Variants in SOBP observed in about 807,000 individuals in gnomAD.
SOBP encodes the protein sine oculis-binding protein homolog.
Under a neutral mutation model 53.6 loss-of-function variants are expected in SOBP, and 4 were observed. That is an observed-to-expected ratio of 0.07 (90% CI 0.04 to 0.17). The LOEUF is 0.17. SOBP is among the 10% of genes least tolerant of loss of function. The pLI, the probability that SOBP is intolerant of heterozygous loss-of-function variation, is 1.00. For synonymous variants in SOBP, 584 were observed against 522.6 expected (o/e 1.12, Z -1.60); for missense variants, 1,088 against 1,204.7 (o/e 0.90, Z 1.43).
At chr6:107,583,891 G>C (rs1180537256) in intron 4 of SOBP, among the ~76,000 whole-genome samples, 1 of 152,190 alleles carries the variant, frequency 6.6e-6, no homozygotes, top group African/African-American at 2.4e-5. Context: ...TGCTAAATCT[G>C]AAAATTCAAA....
chr6:107,641,948 G>A (rs1021010904), intron 6 of SOBP, among the ~76,000 whole-genome samples: 4 of 152,202 alleles, frequency 2.6e-5, no homozygotes, highest in African/African-American at 7.2e-5. Flanking sequence ...ACCGTGTCCT[G>A]CACAACTTAT....
intron 4 of SOBP, among the ~76,000 whole-genome samples, chr6:107,576,401 T>G (rs759748183): frequency 6.6e-5 from 10 of 152,222 alleles, no homozygotes; most frequent in Non-Finnish European, 1.0e-4. Context: ...AAATCTTATC[T>G]TTAAGACAAA....
At chr6:107,573,377 G>A (rs1785132157) in intron 4 of SOBP, among the ~76,000 whole-genome samples, 1 of 151,666 alleles carries the variant, frequency 6.6e-6, no homozygotes, top group Non-Finnish European at 1.5e-5. Context: ...CTCCAGAAAA[G>A]AAAGCAGATT....
intron 5 of SOBP, among the ~76,000 whole-genome samples, chr6:107,619,168 TG>T (rs1022397452): frequency 5.3e-5 from 8 of 152,174 alleles, no homozygotes; most frequent in African/African-American, 1.9e-4. Context: ...GATGGGGTTC[TG>T]GGGTGTAAAG....
At chr6:107,558,907 A>G (rs1462142996) in intron 4 of SOBP, among the ~76,000 whole-genome samples, 3 of 152,178 alleles carry the variant, frequency 2.0e-5, no homozygotes, top group South Asian at 2.1e-4. Context: ...TTCATAGCGT[A>G]TAATACTACT....
intron 5 of SOBP, among the ~76,000 whole-genome samples, chr6:107,610,586 G>C (rs1369925494): frequency 6.6e-6 from 1 of 152,174 alleles, no homozygotes; most frequent in Non-Finnish European, 1.5e-5. Context: ...CCCAAGAGTG[G>C]GAGCCTGAGG....
At chr6:107,587,347 G>A in intron 5 of SOBP, 172 bp downstream of exon 5, 1 of 639,394 alleles carries the variant, frequency 1.6e-6, no homozygotes, top group Middle Eastern at 4.2e-4. Context: ...ATCTCAAATT[G>A]TTTGCAAATC....
intron 5 of SOBP, among the ~76,000 whole-genome samples, chr6:107,613,857 T>C (rs1447509319): frequency 1.3e-5 from 2 of 152,216 alleles, no homozygotes; most frequent in Non-Finnish European, 2.9e-5. Flanking sequence ...AGGGGACTCC[T>C]GGATATATCA....
chr6:107,537,563 G>C (rs1272084802), intron 4 of SOBP, among the ~76,000 whole-genome samples: 1 of 152,210 alleles, frequency 6.6e-6, no homozygotes, highest in Non-Finnish European at 1.5e-5. Flanking sequence ...GCTCATGCCT[G>C]TAATCCCAGC....
chr6:107,643,479 C>G (rs558975799), intron 6 of SOBP, among the ~76,000 whole-genome samples: 1 of 152,054 alleles, frequency 6.6e-6, no homozygotes, highest in Admixed American at 6.5e-5. Flanking sequence ...TGCAGTGACG[C>G]GATCTCGGCC....
chr6:107,521,080 C>G (rs889487030), intron 3 of SOBP, among the ~76,000 whole-genome samples: 1 of 148,448 alleles, frequency 6.7e-6, no homozygotes, highest in African/African-American at 2.5e-5. Context: ...CTGTGACAAT[C>G]AAAAATGTCT....
intron 2 of SOBP, among the ~76,000 whole-genome samples, 174 bp from the exon 3 acceptor site, chr6:107,506,068 T>C (rs934395706): frequency 2.0e-5 from 3 of 152,234 alleles, no homozygotes; most frequent in African/African-American, 7.2e-5. Context: ...AAATTTATGG[T>C]AACCACACTA....
At chr6:107,499,430 A>G (rs1213821031) in intron 1 of SOBP, among the ~76,000 whole-genome samples, 3 of 152,236 alleles carry the variant, frequency 2.0e-5, no homozygotes, top group East Asian at 1.9e-4. Flanking sequence ...ACTATTAGAC[A>G]TTATTATAAT....
In SOBP at chr6:107,635,105, C is replaced by A. The variant is rs769494875; in HGVS notation, c.2261C>A (p.Pro754His). ...QPPPPPPPAP[P>H]KKLLSPEEPA... is the part of the protein sequence containing the mutation. ...CCGCCGCCGCCGCCGCCCGCGCCCCCCAAGAAGCTGCTGTCGCCTGAGGAA... is the reference window on the plus strand; with the variant it reads ...CCGCCGCCGCCGCCGCCCGCGCCCCACAAGAAGCTGCTGTCGCCTGAGGAA... The change falls in exon 6 of 7, where the codon CCC (proline) becomes CAC (histidine). Residue 754 changes from proline (P) to histidine (H), a missense_variant. This residue lies in a region of SOBP where 665 missense variants were observed against 629.7 expected (regional missense o/e 1.06). Coordinates refer to ENST00000317357, the MANE Select transcript of SOBP (RefSeq NM_018013.4). This position sits in a 1 kb window ranked among gnomAD's most constrained non-coding sequence, Gnocchi z 4.5. The A allele has an allele frequency of 5.6e-6, 9 of 1,608,896 alleles. No homozygotes were observed. The highest frequency in any genetic ancestry group is 7.6e-6 in the Non-Finnish European group (9 of 1,177,824).
At chr6:107,538,722 A>G (rs1482777844) in intron 4 of SOBP, among the ~76,000 whole-genome samples, 1 of 152,230 alleles carries the variant, frequency 6.6e-6, no homozygotes, top group Non-Finnish European at 1.5e-5. Context: ...CCTTTTGGTC[A>G]TAGCAAACGG....
chr6:107,656,339 GAAAGAGAA>G (rs1394130562), intron 6 of SOBP, among the ~76,000 whole-genome samples: 23 of 4,278 alleles, frequency 5.4e-3, no homozygotes, highest in African/African-American at 9.1e-3. Context: ...AAGAAAGAAA[GAAAGAGAA>G]AGAAAGAAAG....
chr6:107,623,021 G>A (rs1033467998), intron 5 of SOBP, among the ~76,000 whole-genome samples: 8 of 152,156 alleles, frequency 5.3e-5, no homozygotes, highest in African/African-American at 1.9e-4. Flanking sequence ...GATTAATCTA[G>A]GGTAGAGCTA....
intron 3 of SOBP, chr6:107,513,843 T>C (rs1783240741): frequency 6.6e-6 from 1 of 152,620 alleles, no homozygotes; most frequent in Admixed American, 6.5e-5. Context: ...CTTAATAATG[T>C]AATGATATAA....
chr6:107,619,835 T>C (rs1233227929), intron 5 of SOBP, among the ~76,000 whole-genome samples: 1 of 152,100 alleles, frequency 6.6e-6, no homozygotes. Flanking sequence ...GCCACACCCA[T>C]AGCAAGATAC....
Sources: allele counts gnomAD v4.1 joint callset (sites outside exome capture counted in the v4.1 genomes callset), GRCh38; gene constraint gnomAD v4.1.1; regional missense constraint gnomAD v4.1.1; non-coding constraint Gnocchi (gnomAD v3.1); transcripts MANE v1.5; gene names NCBI Gene and HGNC (gene_info 2026-07-23, HGNC 2026-07-21).